The following TET1 variants were observed in gnomAD, a reference collection of about 807,000 sequenced individuals.
TET1 encodes the protein tet methylcytosine dioxygenase 1, also known as methylcytosine dioxygenase TET1.
In TET1, 13 loss-of-function variants were observed where a neutral mutation model predicts 148.7. The observed-to-expected ratio is 0.09, with a 90% CI of 0.06 to 0.14. The LOEUF (loss-of-function observed/expected upper bound fraction) is 0.14. Among genes scored for constraint, TET1 ranks in the 10% least tolerant of loss-of-function variants. The pLI is 1.00. For missense variants in TET1, 2,182 were observed against 2,553.8 expected (o/e 0.85, Z 3.14); for synonymous variants, 907 against 937.2 (o/e 0.97, Z 0.59).
At chr10:68,609,496 A>G (rs535759680) in intron 3 of TET1, among the ~76,000 whole-genome samples, 39 of 151,856 alleles carry the variant, frequency 2.6e-4, no homozygotes, top group Non-Finnish European at 4.9e-4. Flanking sequence ...TGCAGAGACC[A>G]GGTTTCCCTG....
intron 2 of TET1, among the ~76,000 whole-genome samples, chr10:68,579,566 C>A (rs775648418): frequency 3.0e-4 from 46 of 152,334 alleles, no homozygotes; most frequent in Middle Eastern, 6.8e-3. Flanking sequence ...ATAACAAGCT[C>A]CCCTTAGGGG....
At chr10:68,690,478 G>T (rs2133246768) in intron 11 of TET1, among the ~76,000 whole-genome samples, 1 of 152,254 alleles carries the variant, frequency 6.6e-6, no homozygotes, top group African/African-American at 2.4e-5. Flanking sequence ...CGTGGTGGCA[G>T]GCGCCTGTAG....
chr10:68,564,305 T>C (rs779440997), intron 1 of TET1, among the ~76,000 whole-genome samples: 11 of 151,804 alleles, frequency 7.2e-5, no homozygotes, highest in Non-Finnish European at 1.2e-4. Flanking sequence ...TGCGCTACCA[T>C]GCCCGGCTAA....
intron 4 of TET1, among the ~76,000 whole-genome samples, chr10:68,649,669 C>T (rs2133106193): frequency 6.6e-6 from 1 of 151,916 alleles, no homozygotes; most frequent in East Asian, 1.9e-4. Flanking sequence ...GAAATAAGGC[C>T]TGTAGTTCAA....
rs1348357851 is a variant in TET1 at position 68,646,762 on chromosome 10, C to A, written c.4033C>A (p.Pro1345Thr). 6.2e-7 allele frequency: 1 copy of A among 1,614,154 alleles called. No homozygotes were observed. ...PTLPGISHET[P>T]LPESALTLRN... ...ATTGCCTGGTATCTCTCATGAAACA[C>A]CCTTACCGGAGTCAGCACTAACTCT... The change falls in exon 4 of 12, where the codon CCC (proline) becomes ACC (threonine). Residue 1345 changes from proline (P) to threonine (T), a missense_variant. By Grantham distance (38) the Pro-to-Thr change is conservative. This residue lies in a region of TET1 where 582 missense variants were observed against 599.5 expected (regional missense o/e 0.97). Coordinates refer to ENST00000373644, the MANE Select transcript of TET1 (RefSeq NM_030625.3).
At chr10:68,607,904 C>T (rs1028180452) in intron 3 of TET1, among the ~76,000 whole-genome samples, 4 of 150,272 alleles carry the variant, frequency 2.7e-5, no homozygotes, top group Admixed American at 2.0e-4. Context: ...ATGGCCTATG[C>T]AAGAGAACGT....
chr10:68,686,737 C>G, intron 11 of TET1, 30 bp downstream of exon 11: 2 of 1,576,584 alleles, frequency 1.3e-6, no homozygotes, highest in Non-Finnish European at 1.7e-6. Flanking sequence ...GTAATCTCTG[C>G]ACAACTTTGA....
chr10:68,589,540 G>C (rs2053895765), intron 2 of TET1, among the ~76,000 whole-genome samples: 1 of 152,046 alleles, frequency 6.6e-6, no homozygotes, highest in African/African-American at 2.4e-5. Context: ...CTGGGCTCAA[G>C]TGATCCACCT....
chr10:68,612,062 C>A (rs1234344915), intron 3 of TET1, among the ~76,000 whole-genome samples: 1 of 151,554 alleles, frequency 6.6e-6, no homozygotes, highest in Non-Finnish European at 1.5e-5. Flanking sequence ...AATTTACTTA[C>A]AATGGATGAG....
chr10:68,599,165 C>T (rs2054022924), intron 2 of TET1, among the ~76,000 whole-genome samples: 1 of 152,226 alleles, frequency 6.6e-6, no homozygotes, highest in Non-Finnish European at 1.5e-5. Flanking sequence ...GCCTTCCGGC[C>T]CTCACTCTGT....
Position 68,586,142 on chromosome 10 carries a change from A to G in TET1, c.1914+11890A>G, listed in dbSNP as rs556456147. Reference sequence around the variant, plus strand: ...TTCTGCCTCAGCCTCCTAACTAGCTAGGACTATACATGTGTGCCACTATGC... The same window carrying G: ...TTCTGCCTCAGCCTCCTAACTAGCTGGGACTATACATGTGTGCCACTATGC... On this transcript the variant is annotated intron_variant, in intron 2 of 11. Coordinates refer to ENST00000373644, the MANE Select transcript of TET1 (RefSeq NM_030625.3). 3.3e-5 allele frequency among the ~76,000 whole-genome samples: 5 copies of G among 152,118 alleles called. No homozygotes were observed. The South Asian group carries it at 1.0e-3, about 32-fold the overall frequency.
Position 68,646,074 on chromosome 10 carries a change from A to G in TET1, c.3345A>G (p.Lys1115=), listed in dbSNP as rs2054840793. 6.2e-7 allele frequency: 1 copy of G among 1,614,022 alleles called. No individual in the cohort carries two copies. Among genetic ancestry groups the G allele is most frequent in the Non-Finnish European group, 8.5e-7 (1 of 1,180,042 alleles). ...TTGTCACATGTAATGTACAGCAAAA[A>G]TACAATCAGGAGAAGGGCACAATAC... is the stretch of plus-strand genomic sequence containing the variant. ...TSLVTCNVQQ[K]YNQEKGTIQQ... is the part of the protein sequence containing the mutation. The change falls in exon 4 of 12, where the codon AAA becomes AAG. Residue 1115 remains lysine, a synonymous_variant. Transcript: ENST00000373644.
At chr10:68,661,745 A>C (rs1053171878) in intron 6 of TET1, among the ~76,000 whole-genome samples, 6 of 151,878 alleles carry the variant, frequency 4.0e-5, no homozygotes, top group Admixed American at 1.3e-4. Flanking sequence ...TTGGCCTCTC[A>C]ATGTGTTGGG....
At chr10:68,595,935 T>TACATATAC (rs1334057303) in intron 2 of TET1, among the ~76,000 whole-genome samples, 11 of 26,620 alleles carry the variant, frequency 4.1e-4, no homozygotes, top group African/African-American at 1.0e-3. Context: ...TATATATATA[T>TACATATAC]ATATATATAT....
At chr10:68,613,321 A>T (rs1219046392) in intron 3 of TET1, among the ~76,000 whole-genome samples, 3 of 149,776 alleles carry the variant, frequency 2.0e-5, no homozygotes, top group South Asian at 2.1e-4. Flanking sequence ...TCCATTTTGT[A>T]AAAAAATCTT....
chr10:68,593,821 C>T (rs937789466), intron 2 of TET1, among the ~76,000 whole-genome samples: 2 of 151,288 alleles, frequency 1.3e-5, no homozygotes, highest in African/African-American at 4.9e-5. Flanking sequence ...ACTATGCTGG[C>T]CTGGCTGGTC....
At chr10:68,575,880 C>T (rs1353136179) in intron 2 of TET1, among the ~76,000 whole-genome samples, 2 of 150,888 alleles carry the variant, frequency 1.3e-5, no homozygotes, top group South Asian at 2.1e-4. Context: ...ATTAGCCGGG[C>T]GTGACGGCGT....
At chr10:68,583,387 C>T (rs2053824091) in intron 2 of TET1, among the ~76,000 whole-genome samples, 1 of 152,134 alleles carries the variant, frequency 6.6e-6, no homozygotes, top group Admixed American at 6.6e-5. Flanking sequence ...TAAGACACAA[C>T]TTCCAAATGA....
Position 68,572,665 on chromosome 10 carries a change from C to T in TET1, c.327C>T (p.Thr109=), listed in dbSNP as rs2133685711. ...GGTTTACAATGGCGCTACGAAGCACCTCTCTTAGCAGGCGACTCTCCCAAC... is the reference window on the plus strand; with the variant it reads ...GGTTTACAATGGCGCTACGAAGCACTTCTCTTAGCAGGCGACTCTCCCAAC... ...CNGFTMALRS[T]SLSRRLSQPP... Residue 109 remains threonine (T), a synonymous_variant, in exon 2 of 12, where the codon ACC becomes ACT. Transcript: ENST00000373644. The T allele has an allele frequency of 6.2e-7, 1 of 1,614,140 alleles. No homozygotes were observed. Among genetic ancestry groups the T allele is most frequent in the Non-Finnish European group, 8.5e-7 (1 of 1,180,028 alleles).
Sources: gnomAD v4.1 joint callset for allele counts (sites outside exome capture counted in the v4.1 genomes callset) on GRCh38, gnomAD v4.1.1 for gene constraint, gnomAD v4.1.1 regional missense constraint, MANE v1.5 for transcripts, NCBI Gene and HGNC (gene_info 2026-07-23, HGNC 2026-07-21) for gene names.